ADAM22: variants seen among roughly 807,000 people sequenced by gnomAD.
ADAM22 encodes ADAM metallopeptidase domain 22.
Under a neutral mutation model 144.6 loss-of-function variants are expected in ADAM22, and 65 were observed. The ratio of observed to expected loss-of-function variants is 0.45; its 90% confidence interval spans 0.37 to 0.55. The LOEUF is 0.55. Ranked by LOEUF, ADAM22 falls within the 20% of genes least tolerant of loss-of-function variation. The probability of loss-of-function intolerance (pLI) is 0.00; values close to 1 mark genes in which losing one functional copy is unlikely to be tolerated. For synonymous variants in ADAM22, 391 were observed against 412.6 expected, an observed-to-expected ratio of 0.95 and a Z score of 0.63; for missense variants, 974 against 1,184.9, an observed-to-expected ratio of 0.82 and a Z score of 2.61.
At chr7:87,992,363 C>T (rs1790113794) in intron 3 of ADAM22, among the ~76,000 whole-genome samples, 1 of 152,236 alleles carries the variant, frequency 6.6e-6, no homozygotes, top group African/African-American at 2.4e-5. Flanking sequence ...TTGGTGACTC[C>T]ACTAACAAAG....
chr7:88,040,798 A>G (rs1802939910), intron 3 of ADAM22, among the ~76,000 whole-genome samples: 1 of 151,882 alleles, frequency 6.6e-6, no homozygotes, highest in Non-Finnish European at 1.5e-5. Flanking sequence ...AGGGTGAAAT[A>G]AAGGTGTTGG....
intron 3 of ADAM22, among the ~76,000 whole-genome samples, chr7:88,060,963 G>C (rs560988243): frequency 6.6e-5 from 10 of 151,362 alleles, no homozygotes; most frequent in Non-Finnish European, 1.5e-4. Flanking sequence ...ACTTAGCCTG[G>C]TGTGGTGGCA....
intron 7 of ADAM22, among the ~76,000 whole-genome samples, chr7:88,120,219 G>A (rs1055570024): frequency 5.3e-5 from 8 of 151,840 alleles, no homozygotes; most frequent in Non-Finnish European, 1.0e-4. Context: ...GGGTACATGT[G>A]TACAACGTGC....
chr7:88,125,165 T>G (rs963116982), intron 7 of ADAM22, among the ~76,000 whole-genome samples: 1 of 151,954 alleles, frequency 6.6e-6, no homozygotes, highest in Non-Finnish European at 1.5e-5. Context: ...AGCTCAAAAC[T>G]TTGGTGTCCT....
intron 3 of ADAM22, among the ~76,000 whole-genome samples, chr7:88,018,325 T>C (rs902918724): frequency 6.6e-6 from 1 of 152,204 alleles, no homozygotes; most frequent in Non-Finnish European, 1.5e-5. Flanking sequence ...GTCTTTTTCT[T>C]TTTTTCTTCC....
intron 9 of ADAM22, among the ~76,000 whole-genome samples, chr7:88,129,242 T>A (rs1831161256): frequency 6.6e-6 from 1 of 152,018 alleles, no homozygotes; most frequent in Admixed American, 6.6e-5. Context: ...AATGGGCATA[T>A]TGCAGGCAGT....
At chr7:87,953,783 CT>C (rs1845871638) in intron 2 of ADAM22, among the ~76,000 whole-genome samples, 1 of 152,098 alleles carries the variant, frequency 6.6e-6, no homozygotes, top group African/African-American at 2.4e-5. Context: ...GTCTAAGTCT[CT>C]TTGTAGGTCA....
At chr7:88,164,852 A>G (rs1182535291) in intron 23 of ADAM22, among the ~76,000 whole-genome samples, 2 of 152,106 alleles carry the variant, frequency 1.3e-5, no homozygotes, top group Non-Finnish European at 2.9e-5. Flanking sequence ...ATAGCAACTG[A>G]TGCTTGAAGA....
chr7:88,113,705 T>TATATATATATATAA (rs1826838147), intron 5 of ADAM22, among the ~76,000 whole-genome samples: 1 of 67,174 alleles, frequency 1.5e-5, no homozygotes, highest in African/African-American at 6.5e-5. Flanking sequence ...AATAAATAAA[T>TATATATATATATAA]ATATATATAT....
In ADAM22 at chr7:88,179,057, C is replaced by T. The variant is rs1032550234; in HGVS notation, c.2423C>T (p.Ser808Leu). ...SSSKKRSAFLSHFQISTCSIT... is the reference protein window; with the variant it reads ...SSSKKRSAFLLHFQISTCSIT... ...TCTAAGAAGAGGTCTGCTTTTCTGT[C>T]GCATTTTCAGATTTCTACCTGTTCC... The change falls in exon 27 of 32, where the codon TCG (serine) becomes TTG (leucine). Residue 808 changes from serine (S) to leucine (L), a missense_variant. Physicochemically the swap from Ser to Leu is moderately radical, Grantham distance 145. Transcript: ENST00000413139. 5.0e-6 allele frequency: 8 copies of T among 1,594,298 alleles called. No homozygotes were observed. Among genetic ancestry groups the T allele is most frequent in the Non-Finnish European group, 6.0e-6 (7 of 1,162,282 alleles).
intron 4 of ADAM22, among the ~76,000 whole-genome samples, chr7:88,096,818 A>G (rs962479667): frequency 2.6e-5 from 4 of 152,174 alleles, no homozygotes; most frequent in Non-Finnish European, 5.9e-5. Context: ...AAACATAAGT[A>G]ACAGAAATAG....
chr7:88,031,511 C>T (rs1035560085), intron 3 of ADAM22, among the ~76,000 whole-genome samples: 1 of 152,150 alleles, frequency 6.6e-6, no homozygotes, highest in East Asian at 1.9e-4. Flanking sequence ...GCACTATGCC[C>T]CTGCTCTAGG....
chr7:87,943,183 A>C (rs909718226), intron 2 of ADAM22, among the ~76,000 whole-genome samples: 6 of 149,712 alleles, frequency 4.0e-5, no homozygotes, highest in Non-Finnish European at 8.9e-5. Flanking sequence ...ATAATATATA[A>C]CTTTTTTTGT....
At chr7:88,169,010 A>C (rs573790819) in intron 25 of ADAM22, among the ~76,000 whole-genome samples, 1 of 152,288 alleles carries the variant, frequency 6.6e-6, no homozygotes, top group African/African-American at 2.4e-5. Flanking sequence ...TCCATAAGTT[A>C]ATATATGTCA....
At chr7:87,999,798 T>C (rs1613737) in intron 3 of ADAM22, among the ~76,000 whole-genome samples, 86,666 of 151,900 alleles carry the variant, frequency 0.57, 25,418 homozygotes, top group African/African-American at 0.69. Context: ...ATTTTATCCT[T>C]GGATAAATTC....
Position 87,948,981 on chromosome 7 carries a change from C to T in ADAM22, c.246+13795C>T, listed in dbSNP as rs543966904. Among the ~76,000 whole-genome samples, 29 of 152,234 alleles carry T rather than the reference C, an allele frequency of 1.9e-4. No individual in the cohort carries two copies. The South Asian group carries it at 5.8e-3, about 30-fold the overall frequency. ...AAAATGCAGGAAAAAAGTTCTGTGA[C>T]CATTTGTTAGTGATTGTATGTACTT... On this transcript the variant is annotated intron_variant, in intron 2 of 31. Coordinates refer to ENST00000413139, the MANE Select transcript of ADAM22 (RefSeq NM_001324418.2).
intron 2 of ADAM22, among the ~76,000 whole-genome samples, chr7:87,952,974 G>A (rs1045969167): frequency 3.0e-4 from 46 of 152,236 alleles, no homozygotes; most frequent in Admixed American, 1.8e-3. Flanking sequence ...TATTTCTGTG[G>A]AATTGGTGGT....
At chr7:87,942,067 A>G (rs1030834945) in intron 2 of ADAM22, among the ~76,000 whole-genome samples, 1 of 152,156 alleles carries the variant, frequency 6.6e-6, no homozygotes, top group Non-Finnish European at 1.5e-5. Context: ...GGCCATATTT[A>G]TCATTAAGTA....
At chr7:88,125,794 T>A in intron 8 of ADAM22, 135 bp downstream of exon 8, 4 of 615,974 alleles carry the variant, frequency 6.5e-6, no homozygotes, top group Non-Finnish European at 1.1e-5. Context: ...ACCGTAAGGG[T>A]GATGGATCTG....
Sources: allele counts gnomAD v4.1 joint callset (sites outside exome capture counted in the v4.1 genomes callset), GRCh38; gene constraint gnomAD v4.1.1; transcripts MANE v1.5; gene names NCBI Gene and HGNC (gene_info 2026-07-23, HGNC 2026-07-21).